Variants in BRD1 observed in about 807,000 individuals in gnomAD.
The protein encoded by BRD1 is bromodomain-containing protein 1.
BRD1 carries 24 observed loss-of-function variants against 107.7 expected under a neutral mutation model. The observed-to-expected ratio is 0.22, with a 90% CI of 0.16 to 0.31. The LOEUF (loss-of-function observed/expected upper bound fraction) is 0.31. BRD1 is among the 10% of genes least tolerant of loss of function. BRD1 has a pLI of 1.00. For missense variants in BRD1, 1,279 were observed against 1,638.6 expected, an observed-to-expected ratio of 0.78 and a Z score of 3.79; for synonymous variants, 744 against 686.1, an observed-to-expected ratio of 1.08 and a Z score of -1.32.
At chr22:49,811,375 A>C (rs1277244122) in intron 2 of BRD1, among the ~76,000 whole-genome samples, 1 of 152,128 alleles carries the variant, frequency 6.6e-6, no homozygotes, top group Non-Finnish European at 1.5e-5. Context: ...TCAACTGTAC[A>C]CTTCACATGG....
chr22:49,794,184 G>A lies in BRD1; in HGVS notation c.2209C>T (p.Arg737Trp), dbSNP rs540561914. 21 of 1,614,206 alleles carry A rather than the reference G, an allele frequency of 1.3e-5. No individual in the cohort carries two copies. The highest frequency in any genetic ancestry group is 1.6e-5 in the Non-Finnish European group (19 of 1,180,046). Residue 737 changes from arginine (R) to tryptophan (W), a missense_variant, in exon 7 of 13, where the codon CGG becomes TGG. Arg to Trp is a moderately radical substitution (Grantham distance 101). Coordinates refer to ENST00000404760, the MANE Select transcript of BRD1 (RefSeq NM_001304808.3). ...LTCAMKSSGS[R>W]SKRAKLLKKE... ...TTGAGCAGCTTTGCCCGCTTGCTCCGGGAGCCGCTGGACTTCATAGCGCAG... is the reference window on the plus strand; with the variant it reads ...TTGAGCAGCTTTGCCCGCTTGCTCCAGGAGCCGCTGGACTTCATAGCGCAG...
chr22:49,826,533 G>A (rs1038374482), intron 1 of BRD1, among the ~76,000 whole-genome samples: 6 of 152,332 alleles, frequency 3.9e-5, no homozygotes, highest in Admixed American at 2.0e-4. Flanking sequence ...AGAGCCCTGC[G>A]GGCCACAGGC....
intron 5 of BRD1, 108 bp from the exon 6 acceptor site, chr22:49,798,225 C>T (rs964038378): frequency 4.3e-6 from 5 of 1,154,756 alleles, no homozygotes; most frequent in Non-Finnish European, 6.1e-6. Context: ...CTGAGAGCCA[C>T]ACACAGACAC....
intron 2 of BRD1, 46 bp from the exon 3 acceptor site, chr22:49,804,406 T>C (rs190426928): frequency 1.3e-6 from 2 of 1,541,670 alleles, no homozygotes; most frequent in East Asian, 4.7e-5. Context: ...TACATTAAGA[T>C]GTTTCATCAC....
intron 2 of BRD1, among the ~76,000 whole-genome samples, chr22:49,808,349 G>A (rs1183798419): frequency 6.6e-6 from 1 of 152,244 alleles, no homozygotes; most frequent in Non-Finnish European, 1.5e-5. Context: ...GCCTTAAAAG[G>A]CAAGGAAGTT....
At chr22:49,814,157 A>AG (rs1280034227) in intron 2 of BRD1, among the ~76,000 whole-genome samples, 2 of 152,224 alleles carry the variant, frequency 1.3e-5, no homozygotes, top group East Asian at 1.9e-4. Flanking sequence ...GTGAAAGAAC[A>AG]GGGGGCTCTC....
intron 6 of BRD1, among the ~76,000 whole-genome samples, chr22:49,796,834 T>C (rs1209048883): frequency 2.1e-5 from 3 of 141,944 alleles, no homozygotes; most frequent in Non-Finnish European, 4.9e-5. Flanking sequence ...GACCCCACGA[T>C]GGCGGGAACG....
chr22:49,810,813 G>A (rs80065179), intron 2 of BRD1, among the ~76,000 whole-genome samples: 2,325 of 152,202 alleles, frequency 0.015, 71 homozygotes, highest in African/African-American at 0.053. Context: ...GAATATACAG[G>A]GGTACAGCTG....
chr22:49,812,072 T>C (rs1651662284), intron 2 of BRD1, among the ~76,000 whole-genome samples: 1 of 149,112 alleles, frequency 6.7e-6, no homozygotes, highest in Non-Finnish European at 1.5e-5. Flanking sequence ...AGAACATGGA[T>C]AAAATCCTAT....
In BRD1 at chr22:49,792,328, G is replaced by A. The variant is rs537476631; in HGVS notation, c.2359+1706C>T. 6.6e-6 allele frequency among the ~76,000 whole-genome samples: 1 copy of A among 152,358 alleles called. No individual in the cohort carries two copies. The highest frequency in any genetic ancestry group is 1.5e-5 in the Non-Finnish European group (1 of 68,040). Reference sequence around the variant, plus strand: ...TCAGTCCTCAGGGCACAGAAGACAAGGACAGAAGGGCAGTCCACCTAGAGG... The same window carrying A: ...TCAGTCCTCAGGGCACAGAAGACAAAGACAGAAGGGCAGTCCACCTAGAGG... On this transcript the variant is annotated intron_variant, in intron 7 of 12. Coordinates refer to ENST00000404760, the MANE Select transcript of BRD1 (RefSeq NM_001304808.3). This position sits in a 1 kb window ranked among gnomAD's most constrained non-coding sequence, Gnocchi z 4.2.
Position 49,824,686 on chromosome 22 carries a change from G to C in BRD1, c.-14-355C>G, listed in dbSNP as rs780279193. On this transcript the variant is annotated intron_variant, in intron 1 of 12. Transcript: ENST00000404760. This position sits in a 1 kb window ranked among gnomAD's most constrained non-coding sequence, Gnocchi z 5.9. ...TCCGGCCCAGAGCCCACAGTTGCAG[G>C]ACTTTCCCAGCATGCAGGCGGTCCC... is the stretch of plus-strand genomic sequence containing the variant. The C allele has an allele frequency of 2.1e-5, 23 of 1,093,522 alleles. No homozygotes were observed. Among genetic ancestry groups the C allele is most frequent in the Middle Eastern group, 8.7e-4 (2 of 2,298 alleles). The allele number at this position is 1,093,522 out of a possible 1,614,324, so 67.7% of individuals were successfully genotyped here.
chr22:49,793,914 C>A, intron 7 of BRD1, 120 bp downstream of exon 7: 2 of 1,375,318 alleles, frequency 1.5e-6, no homozygotes, highest in Non-Finnish European at 9.8e-7. Flanking sequence ...ACGGAACTGG[C>A]GCTAACCTGA....
intron 2 of BRD1, among the ~76,000 whole-genome samples, chr22:49,817,026 C>A (rs1458170930): frequency 6.6e-6 from 1 of 152,234 alleles, no homozygotes; most frequent in Non-Finnish European, 1.5e-5. Flanking sequence ...TCAGACACCC[C>A]ACAGGGACTC....
At chr22:49,814,248 C>T (rs1601720983) in intron 2 of BRD1, among the ~76,000 whole-genome samples, 1 of 152,256 alleles carries the variant, frequency 6.6e-6, no homozygotes, top group Non-Finnish European at 1.5e-5. Flanking sequence ...CGGGCACAAG[C>T]CCCCGACAAA....
At chr22:49,780,107 G>A (rs868523260) in intron 8 of BRD1, among the ~76,000 whole-genome samples, 6 of 152,266 alleles carry the variant, frequency 3.9e-5, no homozygotes, top group African/African-American at 4.8e-5. Context: ...TGACCAGTGC[G>A]GCCTTCACAA....
At position 49,775,798 on chromosome 22, in the gene BRD1, C is replaced by T. The variant is rs963892049; in HGVS notation, c.3232-53G>A. The T allele has an allele frequency of 3.3e-5, 52 of 1,553,062 alleles. 2 individuals carry two copies. In the South Asian group the frequency reaches 6.0e-4, roughly 18 times the overall value. On this transcript the variant is annotated intron_variant, in intron 11 of 12. Transcript: ENST00000404760. ...TTGTGAGGCTCACACCCATAAACAA[C>T]CCCACCTGTCACTGGCACCCCCCCC... is the stretch of plus-strand genomic sequence containing the variant.
At chr22:49,786,424 C>G (rs907477198) in intron 8 of BRD1, among the ~76,000 whole-genome samples, 1 of 152,204 alleles carries the variant, frequency 6.6e-6, no homozygotes, top group Non-Finnish European at 1.5e-5. Flanking sequence ...AGCACACACA[C>G]GGCAACACCC....
chr22:49,782,381 C>T (rs922972117), intron 8 of BRD1, among the ~76,000 whole-genome samples: 38 of 151,582 alleles, frequency 2.5e-4, no homozygotes, highest in East Asian at 1.2e-3. Context: ...GGACCCACTC[C>T]GCGACAATGC....
intron 8 of BRD1, among the ~76,000 whole-genome samples, chr22:49,778,730 T>C (rs1313267856): frequency 1.3e-5 from 2 of 152,126 alleles, no homozygotes; most frequent in Non-Finnish European, 1.5e-5. Flanking sequence ...GGCACGATCT[T>C]GGCTCACTGC....
Sources: gnomAD v4.1 joint callset for allele counts (sites outside exome capture counted in the v4.1 genomes callset) on GRCh38, gnomAD v4.1.1 for gene constraint, Gnocchi (gnomAD v3.1) non-coding constraint, MANE v1.5 for transcripts, NCBI Gene and HGNC (gene_info 2026-07-23, HGNC 2026-07-21) for gene names.